DNAH11: variants seen among roughly 807,000 people sequenced by gnomAD.
The protein encoded by DNAH11 is axonemal beta dynein heavy chain 11.
DNAH11 carries 442 observed loss-of-function variants against 526.0 expected under a neutral mutation model. The ratio of observed to expected loss-of-function variants is 0.84; its 90% CI spans 0.78 to 0.91. DNAH11 has a LOEUF of 0.91. DNAH11 is among the 40% of genes least tolerant of loss of function. The pLI, the probability that DNAH11 is intolerant of heterozygous loss-of-function variation, is 0.00. For synonymous variants in DNAH11, 2,461 were observed against 1,935.9 expected, an observed-to-expected ratio of 1.27 and a Z score of -7.12; for missense variants, 6,989 against 5,448.7, an observed-to-expected ratio of 1.28 and a Z score of -8.90.
At chr7:21,856,541 C>A (rs1782855674) in intron 68 of DNAH11, among the ~76,000 whole-genome samples, 1 of 152,140 alleles carries the variant, frequency 6.6e-6, no homozygotes, top group Non-Finnish European at 1.5e-5. Context: ...AAGAAAAATA[C>A]TGGGCAGTCC....
chr7:21,700,702 A>G (rs997638371), intron 36 of DNAH11, among the ~76,000 whole-genome samples: 1 of 152,186 alleles, frequency 6.6e-6, no homozygotes, highest in African/African-American at 2.4e-5. Context: ...AAGACTTGGA[A>G]CCAACCCAAA....
At chr7:21,616,061 G>C (rs1785763990) in intron 21 of DNAH11, 148 bp from the exon 22 acceptor site, 1 of 607,072 alleles carries the variant, frequency 1.6e-6, no homozygotes, top group Non-Finnish European at 2.9e-6. Context: ...TGGTGATAGG[G>C]AAGTTTTGAC....
At chr7:21,558,724 C>T (rs1783319939) in intron 2 of DNAH11, 78 bp from the exon 3 acceptor site, 3 of 1,161,910 alleles carry the variant, frequency 2.6e-6, no homozygotes, top group Non-Finnish European at 1.2e-6. Context: ...AGTTTTGTTG[C>T]CAATTTTGTA....
chr7:21,577,990 C>T (rs1293406014), intron 8 of DNAH11, among the ~76,000 whole-genome samples: 1 of 152,166 alleles, frequency 6.6e-6, no homozygotes, highest in Non-Finnish European at 1.5e-5. Flanking sequence ...AATTGACTCA[C>T]AGTTCCACAG....
chr7:21,835,642 C>T (rs147578690), intron 65 of DNAH11, among the ~76,000 whole-genome samples: 18 of 152,156 alleles, frequency 1.2e-4, no homozygotes, highest in Admixed American at 7.2e-4. Flanking sequence ...ATATGACAAA[C>T]CCACAGCTAA....
chr7:21,658,824 A>G lies in DNAH11; in HGVS notation c.5121A>G (p.Glu1707=). The change falls in exon 30 of 82, where the codon GAA becomes GAG. Residue 1707 remains glutamate (E), a synonymous_variant. Coordinates refer to ENST00000409508, the MANE Select transcript of DNAH11 (RefSeq NM_001277115.2). ...TGGAAACATGGCTTCTGCAACTTGA[A>G]CAGACTATGCAAGAAACGGTGCGTC... ...GHVETWLLQL[E]QTMQETVRHS... is the part of the protein sequence containing the mutation. 2 of 1,593,456 alleles carry G rather than the reference A, an allele frequency of 1.3e-6. No homozygotes were observed. Among genetic ancestry groups the G allele is most frequent in the Non-Finnish European group, 1.7e-6 (2 of 1,169,758 alleles).
At chr7:21,684,188 T>G (rs1001994604) in intron 32 of DNAH11, among the ~76,000 whole-genome samples, 6 of 152,240 alleles carry the variant, frequency 3.9e-5, no homozygotes, top group Middle Eastern at 3.2e-3. Flanking sequence ...CAACTAACTT[T>G]CTGGTATCAG....
intron 46 of DNAH11, 51 bp from the exon 47 acceptor site, chr7:21,738,650 T>C (rs1380221399): frequency 2.0e-6 from 3 of 1,489,678 alleles, no homozygotes; most frequent in South Asian, 1.3e-5. Context: ...AATGACTAAA[T>C]GAACATTTAC....
chr7:21,570,242 G>A lies in DNAH11; in HGVS notation c.1368G>A (p.Gln456=). 1 of 1,613,208 alleles carries A rather than the reference G, an allele frequency of 6.2e-7. No individual in the cohort carries two copies. The highest frequency in any genetic ancestry group is 8.5e-7 in the Non-Finnish European group (1 of 1,179,684). The stretch of plus-strand genomic sequence containing the variant: ...GAAAGCTGAGACCATGGGATTTCCA[G>A]TCTCATCTGGTGTTTTGCAGATTTG... ...MGRKLRPWDF[Q]SHLVFCRFDK... Residue 456 remains glutamine (Q), a synonymous_variant, in exon 7 of 82, where the codon CAG becomes CAA. Coordinates refer to ENST00000409508, the MANE Select transcript of DNAH11 (RefSeq NM_001277115.2).
intron 43 of DNAH11, among the ~76,000 whole-genome samples, chr7:21,719,207 G>A (rs909432559): frequency 5.9e-5 from 9 of 152,160 alleles, no homozygotes. Context: ...GTTTTATAGA[G>A]TAATTTCTCT....
intron 74 of DNAH11, among the ~76,000 whole-genome samples, chr7:21,879,521 C>G (rs1239318084): frequency 6.6e-6 from 1 of 151,846 alleles, no homozygotes; most frequent in African/African-American, 2.4e-5. Flanking sequence ...CATATATCAC[C>G]CAGTCATCCC....
At chr7:21,782,292 T>C (rs960355186) in intron 57 of DNAH11, among the ~76,000 whole-genome samples, 7 of 152,220 alleles carry the variant, frequency 4.6e-5, no homozygotes, top group South Asian at 2.1e-4. Context: ...GCACACTCTC[T>C]AGGCACTCCC....
intron 24 of DNAH11, 111 bp downstream of exon 24, chr7:21,619,333 C>T: frequency 7.7e-7 from 1 of 1,295,700 alleles, no homozygotes; most frequent in Non-Finnish European, 1.0e-6. Flanking sequence ...AGAGATGAGT[C>T]CCAGTTTGTT....
intron 30 of DNAH11, among the ~76,000 whole-genome samples, chr7:21,666,315 G>A (rs1411191388): frequency 2.0e-5 from 3 of 152,030 alleles, no homozygotes; most frequent in African/African-American, 7.2e-5. Context: ...CAGATTTGAA[G>A]GTTCCTTGGT....
At chr7:21,633,055 C>T (rs1204339063) in intron 25 of DNAH11, among the ~76,000 whole-genome samples, 1 of 152,140 alleles carries the variant, frequency 6.6e-6, no homozygotes. Context: ...CTTGTGCTGG[C>T]GATCTCCCCT....
At chr7:21,666,605 G>A (rs904802546) in intron 30 of DNAH11, among the ~76,000 whole-genome samples, 2 of 152,032 alleles carry the variant, frequency 1.3e-5, no homozygotes, top group Non-Finnish European at 2.9e-5. Context: ...GCTGCTGAAA[G>A]CCAATTTTTG....
chr7:21,832,457 T>C (rs1164685615), intron 65 of DNAH11, among the ~76,000 whole-genome samples: 1 of 152,188 alleles, frequency 6.6e-6, no homozygotes, highest in Non-Finnish European at 1.5e-5. Flanking sequence ...ATTTGCTTGG[T>C]AAATATTCCT....
intron 31 of DNAH11, among the ~76,000 whole-genome samples, chr7:21,681,997 C>A (rs953643359): frequency 7.9e-5 from 12 of 152,166 alleles, no homozygotes; most frequent in African/African-American, 2.9e-4. Context: ...GGTCATTGGC[C>A]TGTGAGCCTC....
intron 30 of DNAH11, among the ~76,000 whole-genome samples, chr7:21,676,700 A>G (rs954487247): frequency 2.0e-5 from 3 of 152,236 alleles, no homozygotes; most frequent in African/African-American, 7.2e-5. Context: ...AATGCGTGTG[A>G]ATGCACTTAC....
Sources: gnomAD v4.1 joint callset for allele counts (sites outside exome capture counted in the v4.1 genomes callset) on GRCh38, gnomAD v4.1.1 for gene constraint, MANE v1.5 for transcripts, NCBI Gene and HGNC (gene_info 2026-07-23, HGNC 2026-07-21) for gene names.